CDC123: variants seen among roughly 807,000 people sequenced by gnomAD.
CDC123 encodes cell division cycle 123.
Under a neutral mutation model 54.4 loss-of-function variants are expected in CDC123, and 37 were observed. That is an observed-to-expected ratio of 0.68 (90% CI 0.52 to 0.89). CDC123 has a LOEUF of 0.89. Ranked by LOEUF, CDC123 falls within the 40% of genes least tolerant of loss-of-function variation. The probability of loss-of-function intolerance (pLI) is 0.00; values close to 1 mark genes in which losing one functional copy is unlikely to be tolerated. For synonymous variants in CDC123, 144 were observed against 136.8 expected, an observed-to-expected ratio of 1.05 and a Z score of -0.37; for missense variants, 361 against 412.1, an observed-to-expected ratio of 0.88 and a Z score of 1.07.
At chr10:12,245,968 G>A in intron 10 of CDC123, 181 bp from the exon 11 acceptor site, 1 of 564,974 alleles carries the variant, frequency 1.8e-6, no homozygotes, top group Non-Finnish European at 3.1e-6. Context: ...TACTGAGGAG[G>A]CTGAGGCAGG....
At chr10:12,226,843 C>T (rs1028966241) in intron 6 of CDC123, among the ~76,000 whole-genome samples, 1 of 152,152 alleles carries the variant, frequency 6.6e-6, no homozygotes, top group African/African-American at 2.4e-5. Flanking sequence ...TCCTTGCTTC[C>T]CAGACGGGGT....
intron 1 of CDC123, among the ~76,000 whole-genome samples, chr10:12,197,609 C>T (rs1273697137): frequency 6.6e-6 from 1 of 150,948 alleles, no homozygotes; most frequent in Non-Finnish European, 1.5e-5. Flanking sequence ...GATTGCCTGA[C>T]CTCGTGATCC....
chr10:12,220,155 T>C (rs1357209629), intron 6 of CDC123, among the ~76,000 whole-genome samples: 1 of 152,204 alleles, frequency 6.6e-6, no homozygotes, highest in Admixed American at 6.5e-5. Context: ...TATATGCCTT[T>C]AGTGTCAGTT....
At chr10:12,208,806 T>A (rs1490396088) in intron 2 of CDC123, among the ~76,000 whole-genome samples, 1 of 152,210 alleles carries the variant, frequency 6.6e-6, no homozygotes, top group African/African-American at 2.4e-5. Context: ...GTCCAACTCC[T>A]CTTCCCTAAT....
At chr10:12,240,819 A>C (rs1255644077) in intron 10 of CDC123, among the ~76,000 whole-genome samples, 1 of 152,168 alleles carries the variant, frequency 6.6e-6, no homozygotes, top group Non-Finnish European at 1.5e-5. Flanking sequence ...GCAGTGAGCC[A>C]TGATCATACA....
chr10:12,250,413 C>A lies in CDC123; in HGVS notation c.*76C>A. The A allele has an allele frequency of 2.6e-6, 3 of 1,141,614 alleles. No individual in the cohort carries two copies. The highest frequency in any genetic ancestry group is 4.0e-6 in the Non-Finnish European group (3 of 749,534). The allele number at this position is 1,141,614 out of a possible 1,614,324, so 70.7% of individuals were successfully genotyped here. A position where few individuals can be genotyped will look rare whatever the true frequency, so the allele number is the denominator to read the frequency against. Reference sequence around the variant, plus strand: ...GCTGCTCATCAGCCGCAACTTCCTGCCGACCCTGATGCGGGTGGGCCGAGC... The same window carrying A: ...GCTGCTCATCAGCCGCAACTTCCTGACGACCCTGATGCGGGTGGGCCGAGC... On this transcript the variant is annotated 3_prime_UTR_variant, in exon 13 of 13. Transcript: ENST00000281141.
chr10:12,199,908 T>C (rs911563230), intron 2 of CDC123, among the ~76,000 whole-genome samples: 4 of 151,846 alleles, frequency 2.6e-5, no homozygotes, highest in East Asian at 1.9e-4. Flanking sequence ...CTTCAAGGTC[T>C]GCCTCCCGGG....
At chr10:12,218,247 CTTTT>C (rs34125393) in intron 6 of CDC123, among the ~76,000 whole-genome samples, 2 of 119,196 alleles carry the variant, frequency 1.7e-5, no homozygotes, top group Non-Finnish European at 1.7e-5. Context: ...CTTTTTTTTT[CTTTT>C]TTTTTTTTTT....
At chr10:12,231,502 G>C (rs1835901668) in intron 7 of CDC123, among the ~76,000 whole-genome samples, 1 of 151,772 alleles carries the variant, frequency 6.6e-6, no homozygotes. Flanking sequence ...GTGGTGGCCT[G>C]TAATCCCAGC....
chr10:12,217,059 G>A (rs1455870792), intron 5 of CDC123, among the ~76,000 whole-genome samples: 2 of 152,126 alleles, frequency 1.3e-5, no homozygotes, highest in African/African-American at 2.4e-5. Context: ...AAATGTCGAT[G>A]TTTCTGATAC....
In CDC123 at chr10:12,232,532, G is replaced by A. The variant is rs532371119; in HGVS notation, c.489+1536G>A. Reference sequence around the variant, plus strand: ...TATACATGGAACAGTTAATTTACTAGTTAAGTTACTCCTTACCAAGCCACC... The same window carrying A: ...TATACATGGAACAGTTAATTTACTAATTAAGTTACTCCTTACCAAGCCACC... On this transcript the variant is annotated intron_variant, in intron 7 of 12. Coordinates refer to ENST00000281141, the MANE Select transcript of CDC123 (RefSeq NM_006023.3). Among the ~76,000 whole-genome samples, 56 of 152,132 alleles carry A rather than the reference G, an allele frequency of 3.7e-4. 1 individual carries two copies. Among genetic ancestry groups the A allele is most frequent in the African/African-American group, 1.2e-3 (51 of 41,514 alleles).
rs748882084 is a variant in CDC123, at chr10:12,238,485, G to A, written c.717G>A (p.Arg239=). 6 of 1,607,314 alleles carry A rather than the reference G, an allele frequency of 3.7e-6. No individual in the cohort carries two copies. In the South Asian group the frequency reaches 6.7e-5, roughly 18 times the overall value. The change falls in exon 10 of 13, where the codon AGG becomes AGA. Residue 239 remains arginine (R), a splice_region_variant and synonymous_variant. Transcript: ENST00000281141. ...TGTTCGATATATACAGAGACAGTAG[G>A]GTAAGTAAAAACTCTTTCTGATATG... ...DFVFDIYRDS[R]GKVWLIDFNP... is the part of the protein sequence containing the mutation.
At chr10:12,240,194 G>T (rs950337761) in intron 10 of CDC123, among the ~76,000 whole-genome samples, 5 of 152,148 alleles carry the variant, frequency 3.3e-5, no homozygotes, top group Non-Finnish European at 7.3e-5. Context: ...CTGACTTAAT[G>T]AAGAATTACT....
At chr10:12,211,566 T>A (rs1173985391) in intron 4 of CDC123, among the ~76,000 whole-genome samples, 2 of 152,256 alleles carry the variant, frequency 1.3e-5, no homozygotes, top group Non-Finnish European at 2.9e-5. Flanking sequence ...ATGTAAATGT[T>A]ACTTATCTGC....
intron 2 of CDC123, among the ~76,000 whole-genome samples, chr10:12,201,694 AATTT>A (rs1435073361): frequency 1.3e-5 from 2 of 152,134 alleles, no homozygotes; most frequent in African/African-American, 4.8e-5. Flanking sequence ...AAGATGCTGC[AATTT>A]ATTCTGAGAA....
chr10:12,196,544 A>G (rs1835351129), intron 1 of CDC123, among the ~76,000 whole-genome samples: 1 of 152,004 alleles, frequency 6.6e-6, no homozygotes, highest in Admixed American at 6.6e-5. Context: ...AGGCGGGAGG[A>G]ATAGTGGATT....
intron 4 of CDC123, among the ~76,000 whole-genome samples, chr10:12,210,969 T>A (rs562260712): frequency 1.3e-5 from 2 of 152,286 alleles, no homozygotes; most frequent in African/African-American, 4.8e-5. Context: ...CCCAAAGTCC[T>A]GAGATTACAG....
At position 12,215,765 on chromosome 10, in the gene CDC123, C is replaced by T; in HGVS notation, c.263C>T (p.Thr88Ile). 1.2e-6 allele frequency: 2 copies of T among 1,611,654 alleles called. No individual in the cohort carries two copies. The highest frequency in any genetic ancestry group is 2.7e-5 in the African/African-American group (2 of 74,886). The change falls in exon 5 of 13, where the codon ACT becomes ATT. Residue 88 changes from threonine to isoleucine, a missense_variant. Transcript: ENST00000281141. ...LTAPEFPEFATKVQEAINSLG... is the reference protein window; with the variant it reads ...LTAPEFPEFAIKVQEAINSLG... ...GCACCAGAATTTCCTGAGTTTGCCA[C>T]TAAAGTCCAGGAAGCTATCAATTCC...
At chr10:12,239,007 T>C (rs547186642) in intron 10 of CDC123, among the ~76,000 whole-genome samples, 71 of 150,930 alleles carry the variant, frequency 4.7e-4, no homozygotes, top group Middle Eastern at 3.4e-3. Flanking sequence ...AAAAAAAAAA[T>C]ATCCGGGCCT....
Sources: allele counts gnomAD v4.1 joint callset (sites outside exome capture counted in the v4.1 genomes callset), GRCh38; gene constraint gnomAD v4.1.1; transcripts MANE v1.5; gene names NCBI Gene and HGNC (gene_info 2026-07-23, HGNC 2026-07-21).